The following DNAJC13 variants were observed in gnomAD, a reference collection of about 807,000 sequenced individuals.
DNAJC13 encodes DnaJ heat shock protein family (Hsp40) member C13.
In DNAJC13, 75 loss-of-function variants were observed where a neutral mutation model predicts 290.5. The ratio of observed to expected loss-of-function variants is 0.26; its 90% CI spans 0.21 to 0.31. The LOEUF is 0.31. DNAJC13 is among the 10% of genes least tolerant of loss of function. The pLI, the probability that DNAJC13 is intolerant of heterozygous loss-of-function variation, is 1.00. For synonymous variants in DNAJC13, 862 were observed against 892.0 expected, an observed-to-expected ratio of 0.97 and a Z score of 0.60; for missense variants, 2,260 against 2,674.5, an observed-to-expected ratio of 0.85 and a Z score of 3.42.
chr3:132,510,185 A>G (rs562952762), intron 43 of DNAJC13, among the ~76,000 whole-genome samples: 6 of 152,122 alleles, frequency 3.9e-5, no homozygotes, highest in Non-Finnish European at 8.8e-5. Context: ...TGCTCATTTC[A>G]TCACAAGGGA....
intron 25 of DNAJC13, 71 bp downstream of exon 25, chr3:132,479,360 G>A (rs1449693161): frequency 1.9e-6 from 2 of 1,073,198 alleles, no homozygotes; most frequent in African/African-American, 3.1e-5. Flanking sequence ...CTCACAGTTT[G>A]AGTTGATTAT....
At chr3:132,418,348 A>G (rs547013275) in intron 1 of DNAJC13, among the ~76,000 whole-genome samples, 1 of 152,252 alleles carries the variant, frequency 6.6e-6, no homozygotes, top group South Asian at 2.1e-4. Flanking sequence ...CTGTGATTTT[A>G]TCTTTGAATG....
chr3:132,477,266 G>A (rs930160169), intron 22 of DNAJC13, among the ~76,000 whole-genome samples: 4 of 152,238 alleles, frequency 2.6e-5, no homozygotes, highest in African/African-American at 7.2e-5. Context: ...CAGCCTGAGT[G>A]CAAGCATAGT....
chr3:132,436,969 C>T (rs1016078230), intron 2 of DNAJC13, among the ~76,000 whole-genome samples: 9 of 151,278 alleles, frequency 5.9e-5, no homozygotes, highest in Non-Finnish European at 2.9e-5. Context: ...ACCTCTGCCT[C>T]ATGGGTTCAA....
intron 18 of DNAJC13, 43 bp downstream of exon 18, chr3:132,466,113 T>A (rs763769577): frequency 6.5e-7 from 1 of 1,533,270 alleles, no homozygotes; most frequent in Non-Finnish European, 9.0e-7. Flanking sequence ...CCTAATAAAA[T>A]TTAATTGAAC....
intron 48 of DNAJC13, among the ~76,000 whole-genome samples, chr3:132,520,512 C>T (rs1044818153): frequency 6.6e-6 from 1 of 152,106 alleles, no homozygotes; most frequent in African/African-American, 2.4e-5. Context: ...TTTAATACTG[C>T]TTTTTACAGA....
intron 1 of DNAJC13, among the ~76,000 whole-genome samples, chr3:132,419,264 T>C (rs2107635164): frequency 6.6e-6 from 1 of 152,344 alleles, no homozygotes; most frequent in East Asian, 1.9e-4. Flanking sequence ...ATGGAAAATA[T>C]CAGCATTTGT....
chr3:132,501,220 G>C (rs568542219), intron 39 of DNAJC13, among the ~76,000 whole-genome samples: 1 of 152,284 alleles, frequency 6.6e-6, no homozygotes, highest in South Asian at 2.1e-4. Context: ...CAAAAGGCCA[G>C]CCCGGTGTGG....
chr3:132,511,131 C>G lies in DNAJC13; in HGVS notation c.5180C>G (p.Thr1727Arg), dbSNP rs1372908127. Residue 1727 changes from threonine to arginine, a missense_variant, in exon 44 of 56, where the codon ACA (threonine) becomes AGA (arginine). Transcript: ENST00000260818. ...YIGSQAQYLH[T>R]FMAITHAAKV... ...GGCTCGCAGGCCCAATACTTGCACA[C>G]ATTCATGGCCATCACACACGCGGCA... is the stretch of plus-strand genomic sequence containing the variant. 6.2e-7 allele frequency: 1 copy of G among 1,613,986 alleles called. No homozygotes were observed. The highest frequency in any genetic ancestry group is 8.5e-7 in the Non-Finnish European group (1 of 1,179,948).
At chr3:132,490,744 G>A (rs1245570716) in intron 31 of DNAJC13, among the ~76,000 whole-genome samples, 153 bp from the exon 32 acceptor site, 1 of 152,142 alleles carries the variant, frequency 6.6e-6, no homozygotes, top group Non-Finnish European at 1.5e-5. Flanking sequence ...TTCACATTTT[G>A]CTGTGTTTCC....
intron 27 of DNAJC13, among the ~76,000 whole-genome samples, chr3:132,483,063 A>G (rs1934733508): frequency 6.6e-6 from 1 of 152,160 alleles, no homozygotes; most frequent in Non-Finnish European, 1.5e-5. Context: ...CGAATTGGGC[A>G]AAGATAGTTT....
At chr3:132,447,562 C>A in intron 4 of DNAJC13, 92 bp downstream of exon 4, 2 of 1,219,624 alleles carry the variant, frequency 1.6e-6, no homozygotes, top group Non-Finnish European at 2.2e-6. Flanking sequence ...ATGTTCTCTG[C>A]CCCTGTACCC....
At chr3:132,525,890 C>G in intron 52 of DNAJC13, 101 bp downstream of exon 52, 3 of 1,367,656 alleles carry the variant, frequency 2.2e-6, no homozygotes, top group Non-Finnish European at 3.0e-6. Flanking sequence ...CCCTTTCTGC[C>G]ATGTGTCTTT....
At chr3:132,462,363 T>C in intron 15 of DNAJC13, 104 bp from the exon 16 acceptor site, 1 of 1,125,136 alleles carries the variant, frequency 8.9e-7, no homozygotes. Context: ...TTTTGTGGCT[T>C]ATACCTTGTG....
At chr3:132,469,940 G>A (rs955265761) in intron 20 of DNAJC13, among the ~76,000 whole-genome samples, 5 of 126,830 alleles carry the variant, frequency 3.9e-5, no homozygotes, top group African/African-American at 1.5e-4. Context: ...GTATATACAT[G>A]GGTTTCATTT....
chr3:132,518,979 T>C (rs1203150504), intron 48 of DNAJC13, among the ~76,000 whole-genome samples: 1 of 152,230 alleles, frequency 6.6e-6, no homozygotes, highest in Non-Finnish European at 1.5e-5. Context: ...TCCGTTGTTT[T>C]CATCTATGTT....
In DNAJC13 at chr3:132,496,818, A is replaced by C. The variant is rs115349242; in HGVS notation, c.4156+155A>C. 5.8e-3 allele frequency among the ~76,000 whole-genome samples: 884 copies of C among 152,304 alleles called. 5 individuals carry two copies. Among genetic ancestry groups the C allele is most frequent in the African/African-American group, 0.02 (844 of 41,574 alleles). ...TTATGTTTTAAATAAAGGAAAATGT[A>C]GTTTTCTAAAGAAGGGCCCAAATAT... is the stretch of plus-strand genomic sequence containing the variant. On this transcript the variant is annotated intron_variant, in intron 36 of 55. Transcript: ENST00000260818.
chr3:132,532,689 C>A (rs1936451535), intron 55 of DNAJC13, among the ~76,000 whole-genome samples: 1 of 149,852 alleles, frequency 6.7e-6, no homozygotes, highest in Admixed American at 6.7e-5. Flanking sequence ...ACATTCATTA[C>A]TTTTTGTATA....
chr3:132,460,228 G>GTTTT, intron 13 of DNAJC13, 22 bp from the exon 14 acceptor site: 2 of 1,239,922 alleles, frequency 1.6e-6, no homozygotes, highest in South Asian at 1.4e-5. Flanking sequence ...AATTATCACT[G>GTTTT]TTTTTTTTTT....
Sources: allele counts gnomAD v4.1 joint callset (sites outside exome capture counted in the v4.1 genomes callset), GRCh38; gene constraint gnomAD v4.1.1; transcripts MANE v1.5; gene names NCBI Gene and HGNC (gene_info 2026-07-23, HGNC 2026-07-21).